The following NCAM2 variants were observed in gnomAD, a reference collection of about 807,000 sequenced individuals.
The protein encoded by NCAM2 is neural cell adhesion molecule 2, also known as N-CAM-2.
In NCAM2, 30 loss-of-function variants were observed where a neutral mutation model predicts 98.1. That is an observed-to-expected ratio of 0.31 (90% CI 0.23 to 0.41). The LOEUF is 0.41. Among genes scored for constraint, NCAM2 ranks in the 10% least tolerant of loss-of-function variants. The probability of loss-of-function intolerance (pLI) is 1.00; values close to 1 mark genes in which losing one functional copy is unlikely to be tolerated. For synonymous variants in NCAM2, 368 were observed against 342.4 expected, an observed-to-expected ratio of 1.07 and a Z score of -0.83; for missense variants, 867 against 1,005.8, an observed-to-expected ratio of 0.86 and a Z score of 1.87.
intron 1 of NCAM2, among the ~76,000 whole-genome samples, chr21:21,160,023 C>A (rs535942268): frequency 6.6e-6 from 1 of 152,016 alleles, no homozygotes; most frequent in Non-Finnish European, 1.5e-5. Flanking sequence ...TTATGCTCAT[C>A]GCGTATTCAA....
rs564583718 is a variant in NCAM2 at position 21,242,667 on chromosome 21, T to C, written c.56-37911T>C. Among the ~76,000 whole-genome samples the C allele has an allele frequency of 5.9e-5, 9 of 152,330 alleles. No individual in the cohort carries two copies. The East Asian group carries it at 1.5e-3, about 26-fold the overall frequency. On this transcript the variant is annotated intron_variant, in intron 1 of 17. Transcript: ENST00000400546. ...TGTTGTTGGAAATAACAGAATTTCCTTCCTTTTCAGCTGAATAGTATTCCA... is the reference window on the plus strand; with the variant it reads ...TGTTGTTGGAAATAACAGAATTTCCCTCCTTTTCAGCTGAATAGTATTCCA...
intron 1 of NCAM2, among the ~76,000 whole-genome samples, chr21:21,172,588 A>G (rs2068159488): frequency 6.6e-6 from 1 of 152,144 alleles, no homozygotes; most frequent in Non-Finnish European, 1.5e-5. Context: ...AGTTTGGCAT[A>G]ATTATATGTG....
At chr21:21,198,373 T>G (rs1462274018) in intron 1 of NCAM2, among the ~76,000 whole-genome samples, 1 of 152,120 alleles carries the variant, frequency 6.6e-6, no homozygotes, top group Non-Finnish European at 1.5e-5. Flanking sequence ...ATACAGTGGA[T>G]GAAAATGTTC....
At chr21:21,463,115 C>T (rs1305607584) in intron 12 of NCAM2, among the ~76,000 whole-genome samples, 2 of 152,030 alleles carry the variant, frequency 1.3e-5, no homozygotes, top group Non-Finnish European at 2.9e-5. Flanking sequence ...GAGTACACAG[C>T]CTTTCATTTT....
chr21:21,082,084 C>T (rs1018582236), intron 1 of NCAM2, among the ~76,000 whole-genome samples: 4 of 151,370 alleles, frequency 2.6e-5, no homozygotes, highest in Admixed American at 6.6e-5. Flanking sequence ...AAAAATTAGC[C>T]GGGCGTGGTG....
chr21:21,013,036 A>T (rs1011952569), intron 1 of NCAM2, among the ~76,000 whole-genome samples: 4 of 152,106 alleles, frequency 2.6e-5, no homozygotes, highest in African/African-American at 9.7e-5. Flanking sequence ...ATTCCCTGAG[A>T]CACAACAATA....
chr21:21,343,719 G>A (rs2075110939), intron 8 of NCAM2, among the ~76,000 whole-genome samples: 1 of 152,134 alleles, frequency 6.6e-6, no homozygotes, highest in African/African-American at 2.4e-5. Context: ...GATTCCAGCG[G>A]TACAAACTTG....
At chr21:21,121,656 A>G (rs531602453) in intron 1 of NCAM2, among the ~76,000 whole-genome samples, 1 of 152,344 alleles carries the variant, frequency 6.6e-6, no homozygotes, top group East Asian at 1.9e-4. Context: ...AGATAGAAGG[A>G]TTCACTCTAG....
chr21:21,251,665 G>C (rs752119692), intron 1 of NCAM2, among the ~76,000 whole-genome samples: 3 of 151,578 alleles, frequency 2.0e-5, no homozygotes, highest in Non-Finnish European at 2.9e-5. Flanking sequence ...GGGTCAAGTG[G>C]TATTTCTGGT....
chr21:21,405,861 T>A lies in NCAM2; in HGVS notation c.1196-4413T>A, dbSNP rs576689932. Reference sequence around the variant, plus strand: ...TACAATCTAGGGAATCTTCTTTGACTTTCTGATAATGAAGCAAGTGATTAA... The same window carrying A: ...TACAATCTAGGGAATCTTCTTTGACATTCTGATAATGAAGCAAGTGATTAA... On this transcript the variant is annotated intron_variant, in intron 9 of 17. Coordinates refer to ENST00000400546, the MANE Select transcript of NCAM2 (RefSeq NM_004540.5). 9.2e-4 allele frequency among the ~76,000 whole-genome samples: 140 copies of A among 152,328 alleles called. 2 individuals carry two copies. Among genetic ancestry groups the A allele is most frequent in the Non-Finnish European group, 4.4e-5 (3 of 68,006 alleles).
intron 1 of NCAM2, among the ~76,000 whole-genome samples, chr21:21,179,564 C>T (rs1031809547): frequency 2.6e-5 from 4 of 152,172 alleles, no homozygotes; most frequent in Non-Finnish European, 4.4e-5. Context: ...CTGTTGTCTT[C>T]TTTTATGTGT....
At chr21:21,389,522 C>T (rs1265353022) in intron 9 of NCAM2, among the ~76,000 whole-genome samples, 4 of 152,184 alleles carry the variant, frequency 2.6e-5, no homozygotes, top group African/African-American at 7.2e-5. Flanking sequence ...CCAATCACTA[C>T]GTCTTATTCC....
intron 1 of NCAM2, among the ~76,000 whole-genome samples, chr21:21,002,295 T>C (rs1411095880): frequency 2.0e-5 from 3 of 152,116 alleles, no homozygotes; most frequent in Non-Finnish European, 4.4e-5. Flanking sequence ...GATGAGTCTT[T>C]TCAATGACAC....
intron 3 of NCAM2, among the ~76,000 whole-genome samples, chr21:21,285,739 C>A (rs2073074678): frequency 6.6e-6 from 1 of 151,792 alleles, no homozygotes; most frequent in African/African-American, 2.4e-5. Flanking sequence ...GAGTCCTAGC[C>A]AGAGACAGAC....
chr21:21,416,658 GATTA>G lies in NCAM2; in HGVS notation c.1384-1812_1384-1809del, dbSNP rs1432318688. On this transcript the variant is annotated intron_variant, in intron 10 of 17. Coordinates refer to ENST00000400546, the MANE Select transcript of NCAM2 (RefSeq NM_004540.5). ...GGGTGTTTATCAGTAGATGTTTCTT[GATTA>G]ATATTTTCAATGCTTTGCACATTTT... is the stretch of plus-strand genomic sequence containing the variant. Among the ~76,000 whole-genome samples the G allele has an allele frequency of 1.6e-4, 24 of 152,176 alleles. No individual in the cohort carries two copies. The South Asian group carries it at 2.3e-3, about 14-fold the overall frequency.
At chr21:21,315,751 C>T (rs942343425) in intron 5 of NCAM2, among the ~76,000 whole-genome samples, 5 of 152,126 alleles carry the variant, frequency 3.3e-5, no homozygotes, top group African/African-American at 1.2e-4. Context: ...ATTGTTATCT[C>T]ACAGTTTGTC....
At chr21:21,170,613 A>G (rs913673578) in intron 1 of NCAM2, among the ~76,000 whole-genome samples, 3 of 152,134 alleles carry the variant, frequency 2.0e-5, no homozygotes, top group Non-Finnish European at 2.9e-5. Flanking sequence ...GGGCAGTGGA[A>G]TTACTCTGTT....
chr21:21,316,869 A>T (rs1314238217), intron 5 of NCAM2, among the ~76,000 whole-genome samples: 1 of 152,144 alleles, frequency 6.6e-6, no homozygotes, highest in Non-Finnish European at 1.5e-5. Context: ...ATATAAATAA[A>T]ACAAATATAG....
intron 7 of NCAM2, among the ~76,000 whole-genome samples, 185 bp downstream of exon 7, chr21:21,335,850 G>A (rs1013837457): frequency 7.2e-5 from 11 of 151,936 alleles, no homozygotes; most frequent in Non-Finnish European, 1.6e-4. Flanking sequence ...AATTACATAT[G>A]CAAATTTTTG....
Sources: gnomAD v4.1 joint callset for allele counts (sites outside exome capture counted in the v4.1 genomes callset) on GRCh38, gnomAD v4.1.1 for gene constraint, MANE v1.5 for transcripts, NCBI Gene and HGNC (gene_info 2026-07-23, HGNC 2026-07-21) for gene names.